The following UBA2 variants were observed in gnomAD, a reference collection of about 807,000 sequenced individuals.
UBA2 encodes the protein SUMO-activating enzyme subunit 2.
In UBA2, 11 loss-of-function variants were observed where a neutral mutation model predicts 77.2. The observed-to-expected ratio is 0.14, with a 90% CI of 0.09 to 0.24. The LOEUF (loss-of-function observed/expected upper bound fraction) is 0.24, where lower values mean the gene tolerates loss of function less well. UBA2 is among the 10% of genes least tolerant of loss of function. The pLI is 1.00. For synonymous variants in UBA2, 278 were observed against 276.7 expected (o/e 1.00, Z -0.05); for missense variants, 487 against 781.7 (o/e 0.62, Z 4.50).
chr19:34,454,365 G>C lies in UBA2; in HGVS notation c.1132+12G>C, dbSNP rs780222517. 77 of 1,602,786 alleles carry C rather than the reference G, an allele frequency of 4.8e-5. No individual in the cohort carries two copies. The South Asian group carries it at 8.5e-4, about 18-fold the overall frequency. ...ATTTGATATCAAATGTAAGTTATTT[G>C]TACTAAAGTTGTATCACTAAAACCT... On this transcript the variant is annotated intron_variant, in intron 11 of 16. Transcript: ENST00000246548.
At chr19:34,433,200 G>A (rs2075274188) in intron 3 of UBA2, 148 bp from the exon 4 acceptor site, 2 of 565,024 alleles carry the variant, frequency 3.5e-6, no homozygotes, top group Non-Finnish European at 6.2e-6. Context: ...TGTTTGGAAA[G>A]AGTCAAACCT....
At chr19:34,431,359 C>A (rs2075253457) in intron 2 of UBA2, among the ~76,000 whole-genome samples, 1 of 145,446 alleles carries the variant, frequency 6.9e-6, no homozygotes, top group Admixed American at 7.3e-5. Context: ...CTCAAGGGAT[C>A]CTCCTACACT....
rs1268105432 is a variant in UBA2 at position 34,470,792 on chromosome 19, G to A, written c.*1571G>A. The A allele has an allele frequency of 6.6e-6, 1 of 152,314 alleles. No individual in the cohort carries two copies. Among genetic ancestry groups the A allele is most frequent in the Non-Finnish European group, 1.5e-5 (1 of 68,134 alleles). The allele number at this position is 152,314 out of a possible 1,614,324, so 9.4% of individuals were successfully genotyped here. On this transcript the variant is annotated 3_prime_UTR_variant, in exon 17 of 17. Coordinates refer to ENST00000246548, the MANE Select transcript of UBA2 (RefSeq NM_005499.3). ...CTGCCTCAGCCTCCCAAAGTGCTGG[G>A]ATTACAGGCGTGAGCCACTGCGCCT... is the stretch of plus-strand genomic sequence containing the variant.
chr19:34,452,736 C>T (rs559223574), intron 10 of UBA2, among the ~76,000 whole-genome samples: 2 of 152,172 alleles, frequency 1.3e-5, no homozygotes, highest in South Asian at 4.1e-4. Context: ...TCTCATGAAG[C>T]TTGTATGTTC....
intron 15 of UBA2, 124 bp from the exon 16 acceptor site, chr19:34,466,754 A>G: frequency 1.4e-6 from 1 of 715,864 alleles, no homozygotes; most frequent in African/African-American, 1.8e-5. Flanking sequence ...AAAAATTAAA[A>G]AAAAAATTAG....
chr19:34,464,256 G>C, intron 15 of UBA2, 125 bp downstream of exon 15: 1 of 632,354 alleles, frequency 1.6e-6, no homozygotes, highest in South Asian at 2.3e-5. Context: ...TAGTATATTT[G>C]GTTGAGTTGG....
chr19:34,464,419 A>G (rs562464872), intron 15 of UBA2, among the ~76,000 whole-genome samples: 1 of 152,178 alleles, frequency 6.6e-6, no homozygotes, highest in East Asian at 1.9e-4. Flanking sequence ...TTAGCCGGGC[A>G]TAGTGGCAGG....
rs367661213 is a variant in UBA2, at chr19:34,438,797, C to T, written c.581+31C>T. On this transcript the variant is annotated intron_variant, in intron 6 of 16. Coordinates refer to ENST00000246548, the MANE Select transcript of UBA2 (RefSeq NM_005499.3). ...AGTGTATATTTCTTGGCATGCTTTT[C>T]GGTACTGATGATGGAAAATGGAGTC... 135 of 1,610,458 alleles carry T rather than the reference C, an allele frequency of 8.4e-5. 1 individual carries two copies. Among genetic ancestry groups the T allele is most frequent in the Admixed American group, 2.7e-4 (16 of 59,216 alleles).
rs199965176 is a variant in UBA2 at position 34,443,840 on chromosome 19, A to G, written c.582-4A>G. On this transcript the variant is annotated splice_region_variant and splice_polypyrimidine_tract_variant and intron_variant, in intron 6 of 16. Transcript: ENST00000246548. ...CAGAAGTATTTACTATTCTTAAATTATAGCCAGTTGTTTGGGGAAGAAGAT... is the reference window on the plus strand; with the variant it reads ...CAGAAGTATTTACTATTCTTAAATTGTAGCCAGTTGTTTGGGGAAGAAGAT... 1,741 of 1,582,416 alleles carry G rather than the reference A, an allele frequency of 1.1e-3. 4 individuals carry two copies. The highest frequency in any genetic ancestry group is 1.4e-3 in the Non-Finnish European group (1,608 of 1,151,240).
At chr19:34,458,202 T>C (rs908430502) in intron 12 of UBA2, among the ~76,000 whole-genome samples, 1 of 152,118 alleles carries the variant, frequency 6.6e-6, no homozygotes, top group Non-Finnish European at 1.5e-5. Context: ...CGGAGTCTTA[T>C]ATAATACAAG....
At chr19:34,428,793 G>A (rs1040397736) in intron 1 of UBA2, 10 of 1,151,474 alleles carry the variant, frequency 8.7e-6, no homozygotes, top group African/African-American at 3.2e-5. Flanking sequence ...TCCGGACGCC[G>A]AGGAGGCCGC....
rs1254309995 is a variant in UBA2, at chr19:34,454,532, A to G, written c.1221A>G (p.Ser407=). ...LIVLEGLKIL[S]GKIDQCRTIF... is the part of the protein sequence containing the mutation. ...TATTGGAAGGATTGAAGATTTTATCAGGAAAAATAGACCAGTGCAGAACAG... is the reference window on the plus strand; with the variant it reads ...TATTGGAAGGATTGAAGATTTTATCGGGAAAAATAGACCAGTGCAGAACAG... The change falls in exon 12 of 17, where the codon TCA becomes TCG. Residue 407 remains serine (S), a synonymous_variant. Transcript: ENST00000246548. 4 of 1,602,784 alleles carry G rather than the reference A, an allele frequency of 2.5e-6. No homozygotes were observed. The Admixed American group carries it at 5.1e-5, about 20-fold the overall frequency.
chr19:34,470,947 C>G lies in UBA2; in HGVS notation c.*1726C>G, dbSNP rs561459104. 6.6e-6 allele frequency: 1 copy of G among 152,364 alleles called. No individual in the cohort carries two copies. Among genetic ancestry groups the G allele is most frequent in the South Asian group, 2.1e-4 (1 of 4,830 alleles). 9.4% of individuals were successfully genotyped at this position (152,364 alleles called of 1,614,324 possible). A position where few individuals can be genotyped will look rare whatever the true frequency, so the allele number is the denominator to read the frequency against. On this transcript the variant is annotated 3_prime_UTR_variant, in exon 17 of 17. Transcript: ENST00000246548. The stretch of plus-strand genomic sequence containing the variant: ...GATGCTGGAAAGGGAGTCCTTCCTC[C>G]TTTCTGCAGTGTTTGTCTGGGTTGT...
intron 1 of UBA2, among the ~76,000 whole-genome samples, chr19:34,429,877 T>C (rs1417513749): frequency 6.6e-6 from 1 of 152,044 alleles, no homozygotes; most frequent in African/African-American, 2.4e-5. Context: ...AAATTTAATA[T>C]TTTGTACTTG....
intron 5 of UBA2, 147 bp downstream of exon 5, chr19:34,435,115 G>A: frequency 1.6e-6 from 1 of 607,426 alleles, no homozygotes; most frequent in Non-Finnish European, 2.8e-6. Context: ...TTAAAATGCG[G>A]GGCCAGGTGC....
At chr19:34,453,849 G>A (rs1418925333) in intron 10 of UBA2, among the ~76,000 whole-genome samples, 1 of 152,092 alleles carries the variant, frequency 6.6e-6, no homozygotes, top group Non-Finnish European at 1.5e-5. Flanking sequence ...TTCTTAAATT[G>A]CTCGTCTTTT....
chr19:34,463,169 T>C (rs2075650924), intron 14 of UBA2, among the ~76,000 whole-genome samples: 1 of 152,000 alleles, frequency 6.6e-6, no homozygotes. Context: ...TTCTGGAGGC[T>C]GAGGTAGGAA....
intron 14 of UBA2, among the ~76,000 whole-genome samples, chr19:34,461,666 A>G (rs1403461445): frequency 6.6e-6 from 1 of 152,218 alleles, no homozygotes; most frequent in Admixed American, 6.5e-5. Context: ...AGCACTTACC[A>G]GAATATGTGT....
intron 12 of UBA2, among the ~76,000 whole-genome samples, chr19:34,457,408 A>G (rs997027905): frequency 5.3e-5 from 8 of 151,824 alleles, no homozygotes; most frequent in Non-Finnish European, 7.4e-5. Flanking sequence ...ATTTTTTTAC[A>G]TTTGCAAATG....
Sources: gnomAD v4.1 joint callset for allele counts (sites outside exome capture counted in the v4.1 genomes callset) on GRCh38, gnomAD v4.1.1 for gene constraint, MANE v1.5 for transcripts, NCBI Gene and HGNC (gene_info 2026-07-23, HGNC 2026-07-21) for gene names.